CHRNA7: variants seen among roughly 807,000 people sequenced by gnomAD.
CHRNA7 encodes the protein neuronal acetylcholine receptor subunit alpha-7.
CHRNA7 carries 17 observed loss-of-function variants against 48.0 expected under a neutral mutation model. The ratio of observed to expected loss-of-function variants is 0.35; its 90% CI spans 0.24 to 0.53. The LOEUF (loss-of-function observed/expected upper bound fraction) is 0.53. CHRNA7 is among the 20% of genes least tolerant of loss of function. CHRNA7 has a pLI of 0.92. For missense variants in CHRNA7, 155 were observed against 577.7 expected, an observed-to-expected ratio of 0.27 and a Z score of 7.50; for synonymous variants, 75 against 242.3, an observed-to-expected ratio of 0.31 and a Z score of 6.41.
rs575616294 is a variant in CHRNA7 at position 32,044,556 on chromosome 15, G to A, written c.195+13519G>A. Reference sequence around the variant, plus strand: ...CTCCCAAAGTGCTGGGATTACAGGCGTGAGCCACTGTGCCCGGCCTAGATA... The same window carrying A: ...CTCCCAAAGTGCTGGGATTACAGGCATGAGCCACTGTGCCCGGCCTAGATA... On this transcript the variant is annotated intron_variant, in intron 2 of 9. Coordinates refer to ENST00000306901, the MANE Select transcript of CHRNA7 (RefSeq NM_000746.6). Among the ~76,000 whole-genome samples the A allele has an allele frequency of 3.9e-5, 6 of 152,300 alleles. No homozygotes were observed. The South Asian group carries it at 1.2e-3, about 32-fold the overall frequency.
At chr15:32,137,031 CA>C (rs775166263) in intron 4 of CHRNA7, among the ~76,000 whole-genome samples, 25 of 63,916 alleles carry the variant, frequency 3.9e-4, no homozygotes, top group Non-Finnish European at 5.6e-4. Context: ...GACTCCGTCT[CA>C]AAAAAAAAAA....
chr15:32,030,657 C>T lies in CHRNA7; in HGVS notation c.55+8C>T. 6.4e-7 allele frequency: 1 copy of T among 1,574,052 alleles called. No homozygotes were observed. Among genetic ancestry groups the T allele is most frequent in the Admixed American group, 1.8e-5 (1 of 56,464 alleles). On this transcript the variant is annotated splice_region_variant and intron_variant, in intron 1 of 9. Coordinates refer to ENST00000306901, the MANE Select transcript of CHRNA7 (RefSeq NM_000746.6). The stretch of plus-strand genomic sequence containing the variant: ...CCGCGTCGCTCCTGCACGGTAAAGC[C>T]ACTGCCTCCCCGCCCTCCACTCCTC...
At chr15:32,108,483 A>C (rs2050708534) in intron 3 of CHRNA7, among the ~76,000 whole-genome samples, 1 of 152,216 alleles carries the variant, frequency 6.6e-6, no homozygotes, top group East Asian at 1.9e-4. Context: ...CTAGGAACCA[A>C]GTGCTTTCAG....
In CHRNA7 at chr15:32,032,054, C is replaced by T. The variant is rs533518711; in HGVS notation, c.195+1017C>T. 3.8e-4 allele frequency among the ~76,000 whole-genome samples: 58 copies of T among 152,266 alleles called. No individual in the cohort carries two copies. In the South Asian group the frequency reaches 7.9e-3, roughly 21 times the overall value. ...AAGGTAAGAGGTGATATTTCATAAT[C>T]CTACAAATAAACAGTTACCCGCACT... On this transcript the variant is annotated intron_variant, in intron 2 of 9. Transcript: ENST00000306901.
At chr15:32,059,235 G>C (rs908461507) in intron 2 of CHRNA7, among the ~76,000 whole-genome samples, 1 of 152,028 alleles carries the variant, frequency 6.6e-6, no homozygotes, top group Admixed American at 6.6e-5. Flanking sequence ...AACTCCTGAC[G>C]TCAGGTGATG....
Position 32,143,001 on chromosome 15 carries a change from T to A in CHRNA7, c.351-10906T>A, listed in dbSNP as rs554535230. ...GCTTTTGCTTCTCTAGTTCTTTTCA[T>A]TGCGATGTTAGGATGTCAATTTTAG... On this transcript the variant is annotated intron_variant, in intron 4 of 9. Coordinates refer to ENST00000306901, the MANE Select transcript of CHRNA7 (RefSeq NM_000746.6). Among the ~76,000 whole-genome samples the A allele has an allele frequency of 1.2e-4, 18 of 152,322 alleles. No homozygotes were observed. In the South Asian group the frequency reaches 3.7e-3, roughly 32 times the overall value.
chr15:32,081,157 G>C (rs1295008016), intron 2 of CHRNA7, among the ~76,000 whole-genome samples: 2 of 152,108 alleles, frequency 1.3e-5, no homozygotes, highest in African/African-American at 4.8e-5. Flanking sequence ...CCTGGCAGTG[G>C]GAGAGCATCA....
At chr15:32,070,329 T>C (rs921383785) in intron 2 of CHRNA7, among the ~76,000 whole-genome samples, 1 of 152,136 alleles carries the variant, frequency 6.6e-6, no homozygotes, top group African/African-American at 2.4e-5. Context: ...CACTATTTAA[T>C]TGGATTTTTT....
chr15:32,131,266 C>T (rs1441220706), intron 4 of CHRNA7, among the ~76,000 whole-genome samples: 1 of 151,954 alleles, frequency 6.6e-6, no homozygotes, highest in Non-Finnish European at 1.5e-5. Context: ...AAACATTTTT[C>T]ATTCTCATTT....
At chr15:32,066,253 G>T (rs748016467) in intron 2 of CHRNA7, among the ~76,000 whole-genome samples, 12 of 151,996 alleles carry the variant, frequency 7.9e-5, no homozygotes, top group Non-Finnish European at 1.5e-4. Context: ...AGGGTTGGAG[G>T]ATATACTTTC....
intron 2 of CHRNA7, among the ~76,000 whole-genome samples, chr15:32,059,026 C>T (rs1277584685): frequency 1.3e-5 from 2 of 151,148 alleles, no homozygotes; most frequent in Admixed American, 6.6e-5. Flanking sequence ...CTTTTTGGGA[C>T]AGAGTCTTAC....
intron 2 of CHRNA7, among the ~76,000 whole-genome samples, chr15:32,081,802 C>T (rs1306026836): frequency 1.3e-5 from 2 of 152,114 alleles, no homozygotes; most frequent in East Asian, 1.9e-4. Context: ...CATATTTTTA[C>T]TTGCCATATT....
intron 2 of CHRNA7, among the ~76,000 whole-genome samples, chr15:32,083,507 G>A (rs371851381): frequency 2.8e-4 from 43 of 152,264 alleles, no homozygotes; most frequent in African/African-American, 1.0e-3. Flanking sequence ...AAGAAACATT[G>A]TTGTTCTAGG....
intron 4 of CHRNA7, among the ~76,000 whole-genome samples, chr15:32,115,513 C>A (rs375400276): frequency 6.6e-6 from 1 of 152,012 alleles, no homozygotes; most frequent in Non-Finnish European, 1.5e-5. Context: ...TAGCCTCGTC[C>A]ACTCTCCAGC....
In CHRNA7 at chr15:32,085,863, T is replaced by A. The variant is rs146799179; in HGVS notation, c.196-15440T>A. Among the ~76,000 whole-genome samples, 59 of 152,344 alleles carry A rather than the reference T, an allele frequency of 3.9e-4. No homozygotes were observed. In the East Asian group the frequency reaches 8.5e-3, roughly 22 times the overall value. On this transcript the variant is annotated intron_variant, in intron 2 of 9. Transcript: ENST00000306901. ...ACTTTCCATAATTTGAACATGTTACTTCATTGATTCCTGGCTGCTCTTATT... is the reference window on the plus strand; with the variant it reads ...ACTTTCCATAATTTGAACATGTTACATCATTGATTCCTGGCTGCTCTTATT...
intron 2 of CHRNA7, among the ~76,000 whole-genome samples, chr15:32,057,513 C>T (rs1190651157): frequency 6.6e-6 from 1 of 152,218 alleles, no homozygotes; most frequent in Middle Eastern, 3.4e-3. Flanking sequence ...AACTTTATAG[C>T]CATAGCTAAT....
chr15:32,097,633 C>A (rs1359890874), intron 2 of CHRNA7, among the ~76,000 whole-genome samples: 2 of 152,216 alleles, frequency 1.3e-5, no homozygotes, highest in Non-Finnish European at 2.9e-5. Flanking sequence ...TTGTTATAAG[C>A]GTCCAAATGG....
intron 2 of CHRNA7, among the ~76,000 whole-genome samples, chr15:32,037,378 G>A (rs1249108337): frequency 6.6e-6 from 1 of 152,126 alleles, no homozygotes; most frequent in Non-Finnish European, 1.5e-5. Context: ...CTCCAACTTT[G>A]TCGTTCCTCA....
chr15:32,085,782 TTACTC>T (rs1473300101), intron 2 of CHRNA7, among the ~76,000 whole-genome samples: 3 of 152,214 alleles, frequency 2.0e-5, no homozygotes, highest in Admixed American at 6.5e-5. Context: ...TCTTTTAACT[TTACTC>T]TTGGACGGCA....
Sources: gnomAD v4.1 joint callset for allele counts (sites outside exome capture counted in the v4.1 genomes callset) on GRCh38, gnomAD v4.1.1 for gene constraint, MANE v1.5 for transcripts, NCBI Gene and HGNC (gene_info 2026-07-23, HGNC 2026-07-21) for gene names.